Variants in GABRR2 observed in about 807,000 individuals in gnomAD.
The protein encoded by GABRR2 is gamma-aminobutyric acid type A receptor subunit rho2.
In GABRR2, 36 loss-of-function variants were observed where a neutral mutation model predicts 47.0. The observed-to-expected ratio is 0.77, with a 90% CI of 0.59 to 1.01. The LOEUF is 1.01. Ranked by LOEUF, GABRR2 falls within the 50% of genes least tolerant of loss-of-function variation. GABRR2 has a pLI of 0.00. For missense variants in GABRR2, 587 were observed against 594.6 expected, an observed-to-expected ratio of 0.99 and a Z score of 0.13; for synonymous variants, 204 against 227.5, an observed-to-expected ratio of 0.90 and a Z score of 0.93.
At chr6:89,292,698 G>A (rs1263089685) in intron 2 of GABRR2, among the ~76,000 whole-genome samples, 1 of 143,478 alleles carries the variant, frequency 7.0e-6, no homozygotes, top group Non-Finnish European at 1.5e-5. Context: ...GATATATATC[G>A]TATCTCTGAT....
intron 1 of GABRR2, chr6:89,302,963 AGGGCAT>A: frequency 7.8e-7 from 1 of 1,281,064 alleles, no homozygotes. Context: ...TACATGGGCA[AGGGCAT>A]GGACGAGATG....
intron 2 of GABRR2, among the ~76,000 whole-genome samples, chr6:89,289,033 T>C (rs1774390373): frequency 6.6e-6 from 1 of 152,172 alleles, no homozygotes; most frequent in Non-Finnish European, 1.5e-5. Flanking sequence ...AAAAAGGTCA[T>C]ATACTGAGTT....
chr6:89,311,446 T>C (rs1306615616), intron 1 of GABRR2, among the ~76,000 whole-genome samples: 1 of 152,144 alleles, frequency 6.6e-6, no homozygotes, highest in Non-Finnish European at 1.5e-5. Context: ...GGGCTATTTG[T>C]ATGAGCCATA....
intron 1 of GABRR2, among the ~76,000 whole-genome samples, chr6:89,312,055 T>C (rs2127852626): frequency 6.6e-6 from 1 of 151,948 alleles, no homozygotes; most frequent in Non-Finnish European, 1.5e-5. Context: ...AGGCAGCAGA[T>C]GGGGAAGGAA....
At chr6:89,301,188 T>C (rs1269137961) in intron 1 of GABRR2, among the ~76,000 whole-genome samples, 2 of 97,812 alleles carry the variant, frequency 2.0e-5, no homozygotes, top group Non-Finnish European at 2.5e-5. Flanking sequence ...AATTCAACAC[T>C]CCTTATTAAA....
In GABRR2 at chr6:89,257,766, G is replaced by T. The variant is rs958434581; in HGVS notation, c.1302C>A (p.Ile434=). ...TGTCAATGGCATGGGTATTCTGGAA[G>T]ATACGAAAACCCGTCTGGCCCTTCA... is the stretch of plus-strand genomic sequence containing the variant. ...GLLKGQTGFR[I]FQNTHAIDKY... Residue 434 remains isoleucine (I), a synonymous_variant, in exon 9 of 9, where the codon ATC becomes ATA. Transcript: ENST00000402938. 1.9e-6 allele frequency: 3 copies of T among 1,613,962 alleles called. No individual in the cohort carries two copies. Among genetic ancestry groups the T allele is most frequent in the African/African-American group, 1.3e-5 (1 of 75,060 alleles).
rs192077825 is a variant in GABRR2 at position 89,267,061 on chromosome 6, G to A, written c.736+618C>T. Among the ~76,000 whole-genome samples the A allele has an allele frequency of 1.6e-3, 241 of 147,478 alleles. 1 individual carries two copies. The highest frequency in any genetic ancestry group is 4.3e-3 in the African/African-American group (173 of 39,920). The stretch of plus-strand genomic sequence containing the variant: ...GTCCCCCAGGCTGGAGTGCAGTGGC[G>A]CAATCTCAGCTCACTGCAACCTTTG... On this transcript the variant is annotated intron_variant, in intron 6 of 8. Coordinates refer to ENST00000402938, the MANE Select transcript of GABRR2 (RefSeq NM_002043.5).
intron 6 of GABRR2, 40 bp downstream of exon 6, chr6:89,267,639 T>C (rs752648440): frequency 6.4e-7 from 1 of 1,572,360 alleles, no homozygotes; most frequent in East Asian, 2.2e-5. Flanking sequence ...AAATGTGCTT[T>C]CTTGCACATT....
At chr6:89,259,053 A>G (rs766827332) in intron 8 of GABRR2, among the ~76,000 whole-genome samples, 72 of 151,780 alleles carry the variant, frequency 4.7e-4, no homozygotes, top group Non-Finnish European at 7.5e-4. Context: ...TGTGTATGAC[A>G]CTCTAAGTGG....
At chr6:89,291,185 A>G (rs551206182) in intron 2 of GABRR2, among the ~76,000 whole-genome samples, 1 of 151,892 alleles carries the variant, frequency 6.6e-6, no homozygotes, top group Middle Eastern at 3.4e-3. Flanking sequence ...TTCCCTCTGT[A>G]GCATCTCTCA....
intron 2 of GABRR2, among the ~76,000 whole-genome samples, chr6:89,298,362 T>C (rs1401271732): frequency 6.6e-6 from 1 of 152,210 alleles, no homozygotes; most frequent in Non-Finnish European, 1.5e-5. Flanking sequence ...CAGGAACAAA[T>C]GTCTGTCAGG....
At chr6:89,289,035 T>C (rs1392241112) in intron 2 of GABRR2, among the ~76,000 whole-genome samples, 2 of 152,204 alleles carry the variant, frequency 1.3e-5, no homozygotes, top group Non-Finnish European at 2.9e-5. Flanking sequence ...AAAGGTCATA[T>C]ACTGAGTTCA....
chr6:89,293,932 A>G (rs182942268), intron 2 of GABRR2, among the ~76,000 whole-genome samples: 7 of 152,370 alleles, frequency 4.6e-5, no homozygotes, highest in Non-Finnish European at 8.8e-5. Flanking sequence ...TTTTGTTTCA[A>G]CTGATCCATG....
intron 1 of GABRR2, chr6:89,301,892 T>TG (rs1445514932): frequency 1.2e-5 from 14 of 1,138,352 alleles, no homozygotes; most frequent in Non-Finnish European, 1.9e-5. Context: ...GGCAACTACG[T>TG]GGGGAACTCG....
At chr6:89,288,273 A>G (rs745013) in intron 2 of GABRR2, among the ~76,000 whole-genome samples, 56,186 of 150,180 alleles carry the variant, frequency 0.37, 11,409 homozygotes, top group African/African-American at 0.55. Flanking sequence ...GGTGGGGGCA[A>G]AGACAAAAAA....
intron 2 of GABRR2, among the ~76,000 whole-genome samples, chr6:89,298,487 G>A (rs1774594718): frequency 2.0e-5 from 3 of 152,270 alleles, no homozygotes; most frequent in African/African-American, 7.2e-5. Context: ...CCTGCCTGGA[G>A]GTCACAGCTA....
intron 8 of GABRR2, among the ~76,000 whole-genome samples, chr6:89,258,953 A>T (rs969212990): frequency 5.3e-5 from 8 of 150,622 alleles, no homozygotes; most frequent in Admixed American, 4.6e-4. Context: ...CCACACAAAA[A>T]TGGCAAAATG....
chr6:89,300,321 C>T lies in GABRR2; in HGVS notation c.114-456G>A, dbSNP rs112246490. 1.6e-3 allele frequency among the ~76,000 whole-genome samples: 238 copies of T among 152,200 alleles called. 1 individual carries two copies. Among genetic ancestry groups the T allele is most frequent in the African/African-American group, 5.5e-3 (227 of 41,498 alleles). On this transcript the variant is annotated intron_variant, in intron 1 of 8. Coordinates refer to ENST00000402938, the MANE Select transcript of GABRR2 (RefSeq NM_002043.5). ...GGTCATGAGTTTGAGACCAGCCTAG[C>T]CAACATGGTGAAACCCCATTTCTAC...
At chr6:89,308,316 A>G (rs1767608114) in intron 1 of GABRR2, among the ~76,000 whole-genome samples, 1 of 152,128 alleles carries the variant, frequency 6.6e-6, no homozygotes, top group Non-Finnish European at 1.5e-5. Context: ...GCCACTAGAC[A>G]CATATGGCTA....
Sources: allele counts gnomAD v4.1 joint callset (sites outside exome capture counted in the v4.1 genomes callset), GRCh38; gene constraint gnomAD v4.1.1; transcripts MANE v1.5; gene names NCBI Gene and HGNC (gene_info 2026-07-23, HGNC 2026-07-21).